The following ZNF343 variants were observed in gnomAD, a reference collection of about 807,000 sequenced individuals.
ZNF343 encodes zinc finger protein 343.
ZNF343 carries 11 observed loss-of-function variants against 13.8 expected under a neutral mutation model. The observed-to-expected ratio is 0.80, with a 90% CI of 0.50 to 1.32. The LOEUF (loss-of-function observed/expected upper bound fraction) is 1.32, where lower values mean the gene tolerates loss of function less well. ZNF343 is among the 40% of genes most tolerant of loss of function. The probability of loss-of-function intolerance (pLI) is 0.00; values close to 1 mark genes in which losing one functional copy is unlikely to be tolerated. For synonymous variants in ZNF343, 248 were observed against 260.0 expected (o/e 0.95, Z 0.44); for missense variants, 658 against 714.2 (o/e 0.92, Z 0.90).
rs377125287 is a variant in ZNF343, at chr20:2,493,586, A to T, written c.119-9T>A. The T allele has an allele frequency of 5.2e-5, 84 of 1,612,286 alleles. 1 individual carries two copies. The South Asian group carries it at 8.9e-4, about 17-fold the overall frequency. ...ATCATTAGAAGGCAAGCCTAGGGAA[A>T]GAAAAAGAAGCTATGAGAAACCAGA... is the stretch of plus-strand genomic sequence containing the variant. On this transcript the variant is annotated splice_polypyrimidine_tract_variant and intron_variant, in intron 3 of 5. Transcript: ENST00000278772.
intron 2 of ZNF343, among the ~76,000 whole-genome samples, chr20:2,494,740 G>A (rs2085429190): frequency 6.7e-6 from 1 of 149,780 alleles, no homozygotes; most frequent in South Asian, 2.1e-4. Context: ...TTGCACTCTA[G>A]CCTGGACGGC....
intron 1 of ZNF343, among the ~76,000 whole-genome samples, chr20:2,504,772 C>G (rs1489808210): frequency 6.6e-6 from 1 of 152,182 alleles, no homozygotes; most frequent in African/African-American, 2.4e-5. Flanking sequence ...TAAAAACTCT[C>G]AATAAATGAG....
At chr20:2,502,968 A>C (rs1222628456) in intron 1 of ZNF343, among the ~76,000 whole-genome samples, 2 of 152,192 alleles carry the variant, frequency 1.3e-5, no homozygotes, top group East Asian at 3.8e-4. Context: ...AACCATATTA[A>C]CCTTAAATGT....
chr20:2,493,572 G>A lies in ZNF343; in HGVS notation c.124C>T (p.Pro42Ser), dbSNP rs1381674665. Residue 42 changes from proline to serine, a missense_variant, in exon 4 of 6, where the codon CCT becomes TCT. Coordinates refer to ENST00000278772, the MANE Select transcript of ZNF343 (RefSeq NM_024325.6). ...LTQNHKAKGL[P>S]SNDTDCPQKK... ...TGGGGGCAGTCAGTATCATTAGAAG[G>A]CAAGCCTAGGGAAAGAAAAAGAAGC... 6.2e-7 allele frequency: 1 copy of A among 1,613,024 alleles called. No individual in the cohort carries two copies. The highest frequency in any genetic ancestry group is 2.2e-5 in the East Asian group (1 of 44,822).
At chr20:2,521,633 C>A (rs1379696194) in intron 1 of ZNF343, among the ~76,000 whole-genome samples, 1 of 152,140 alleles carries the variant, frequency 6.6e-6, no homozygotes, top group Non-Finnish European at 1.5e-5. Flanking sequence ...TGGGGCTCAG[C>A]CTCCGGAGAG....
intron 1 of ZNF343, among the ~76,000 whole-genome samples, chr20:2,504,461 T>G (rs2085622200): frequency 6.6e-6 from 1 of 152,184 alleles, no homozygotes; most frequent in South Asian, 2.1e-4. Flanking sequence ...GAGGCCAGCA[T>G]CATCCTGATA....
rs2085225949 is a variant in ZNF343 at position 2,483,774 on chromosome 20, AGG to A, written c.1185_1186del (p.Leu396GlnfsTer23). On this transcript the variant is annotated frameshift_variant, in exon 6 of 6. Coordinates refer to ENST00000278772, the MANE Select transcript of ZNF343 (RefSeq NM_024325.6). LOFTEE classifies it low-confidence loss of function (END_TRUNC). ...TGAGTGTATCCTCTGGTGTTTTCTG[AGG>A]GTTGACTTATCACAAAAGCTTCGTC... The A allele has an allele frequency of 6.2e-7, 1 of 1,613,916 alleles. No homozygotes were observed. The highest frequency in any genetic ancestry group is 1.7e-5 in the Admixed American group (1 of 59,984).
intron 1 of ZNF343, among the ~76,000 whole-genome samples, chr20:2,501,256 G>T (rs1782296916): frequency 6.6e-6 from 1 of 152,174 alleles, no homozygotes; most frequent in African/African-American, 2.4e-5. Context: ...CAGCGAGGCT[G>T]GGGGAGGGGC....
chr20:2,490,788 T>C (rs564811068), intron 5 of ZNF343, among the ~76,000 whole-genome samples: 1 of 151,944 alleles, frequency 6.6e-6, no homozygotes, highest in East Asian at 1.9e-4. Flanking sequence ...CAGAGAAAAA[T>C]AAAAACAAAA....
At chr20:2,517,381 C>A (rs1265626296) in intron 1 of ZNF343, among the ~76,000 whole-genome samples, 1 of 110,794 alleles carries the variant, frequency 9.0e-6, no homozygotes, top group African/African-American at 4.5e-5. Context: ...TATATATACA[C>A]ACATATATAG....
chr20:2,484,693 G>A (rs1471274684), intron 5 of ZNF343, 37 bp from the exon 6 acceptor site: 1 of 1,546,502 alleles, frequency 6.5e-7, no homozygotes, highest in Non-Finnish European at 8.7e-7. Flanking sequence ...GTAGCCATAA[G>A]TAGGGCTGCT....
chr20:2,487,635 C>T (rs2085300903), intron 5 of ZNF343, among the ~76,000 whole-genome samples: 2 of 152,190 alleles, frequency 1.3e-5, no homozygotes, highest in Non-Finnish European at 1.5e-5. Flanking sequence ...CAATGAATAA[C>T]CCTGTACAAG....
intron 4 of ZNF343, 147 bp downstream of exon 4, chr20:2,493,372 G>A (rs1168061646): frequency 2.6e-6 from 2 of 762,542 alleles, no homozygotes; most frequent in African/African-American, 1.8e-5. Context: ...TATGTGCTTT[G>A]ACAACTTTTT....
At chr20:2,514,241 C>A (rs1568493054) in intron 1 of ZNF343, among the ~76,000 whole-genome samples, 1 of 152,180 alleles carries the variant, frequency 6.6e-6, no homozygotes, top group Non-Finnish European at 1.5e-5. Flanking sequence ...TGTGAAATTT[C>A]TTCTATTAGA....
At chr20:2,496,162 A>C (rs1456057915) in intron 2 of ZNF343, among the ~76,000 whole-genome samples, 1 of 152,224 alleles carries the variant, frequency 6.6e-6, no homozygotes, top group Admixed American at 6.5e-5. Flanking sequence ...AGAAGGATCC[A>C]GTGGCAGAGA....
chr20:2,504,188 C>T (rs1177077832), intron 1 of ZNF343, among the ~76,000 whole-genome samples: 6 of 152,138 alleles, frequency 3.9e-5, no homozygotes, highest in Non-Finnish European at 7.4e-5. Flanking sequence ...AACACCTCTA[C>T]GCAAATAAAC....
Position 2,508,027 on chromosome 20 carries a change from C to A in ZNF343, c.-237+854G>T, listed in dbSNP as rs902936932. On this transcript the variant is annotated intron_variant, in intron 1 of 5. Coordinates refer to ENST00000278772, the MANE Select transcript of ZNF343 (RefSeq NM_024325.6). The surrounding 1 kb of genome is among the most constrained non-coding windows in gnomAD (Gnocchi z 4.5). ...GCCAGACGGGCCACCCAGATGACGA[C>A]CAAACCCAGGAACTTTGCCACAAAG... 1.3e-5 allele frequency among the ~76,000 whole-genome samples: 2 copies of A among 151,996 alleles called. No individual in the cohort carries two copies. Among genetic ancestry groups the A allele is most frequent in the African/African-American group, 4.8e-5 (2 of 41,356 alleles).
upstream of ZNF343, chr20:2,509,269 T>G (rs1028277273): frequency 2.0e-5 from 3 of 152,286 alleles, no homozygotes; most frequent in South Asian, 4.1e-4. Context: ...CAGAGTTTAC[T>G]GCACCGGACC....
At position 2,523,385 on chromosome 20, in the gene ZNF343, A is replaced by G. The variant is rs116999017; in HGVS notation, c.-347+1070T>C. ...CCACTGCTATGCCTATGGAGTGGCC[A>G]CTCTTTTATTCCTTTTTTTTTTAAA... On this transcript the variant is annotated intron_variant, in intron 1 of 6. Coordinates refer to the ZNF343 transcript ENST00000358413. 5.9e-3 allele frequency among the ~76,000 whole-genome samples: 893 copies of G among 150,508 alleles called. 5 individuals carry two copies. The highest frequency in any genetic ancestry group is 7.9e-3 in the Non-Finnish European group (535 of 67,684).
Sources: allele counts gnomAD v4.1 joint callset (sites outside exome capture counted in the v4.1 genomes callset), GRCh38; gene constraint gnomAD v4.1.1; non-coding constraint Gnocchi (gnomAD v3.1); transcripts MANE v1.5; gene names NCBI Gene and HGNC (gene_info 2026-07-23, HGNC 2026-07-21).